CHLSN: variants seen among roughly 807,000 people sequenced by gnomAD.
CHLSN encodes the protein protein cholesin.
At chr7:1,053,392 A>C in the CHLSN span, among the ~76,000 whole-genome samples, 1 of 152,250 alleles carries the variant, frequency 6.6e-6, no homozygotes, top group African/African-American at 2.4e-5. Flanking sequence ...GCTCAGTGAC[A>C]GGGAGCTGGG....
At chr7:1,075,586 G>A in the CHLSN span, among the ~76,000 whole-genome samples, 1 of 148,050 alleles carries the variant, frequency 6.8e-6, no homozygotes, top group East Asian at 2.0e-4. Flanking sequence ...AGCTGACCAA[G>A]GCCGCACAAC....
the CHLSN span, among the ~76,000 whole-genome samples, chr7:1,103,949 C>T: frequency 2.6e-3 from 391 of 152,278 alleles, 2 homozygotes; most frequent in African/African-American, 9.1e-3. Context: ...CCCACAGCAG[C>T]GCTGGCCCCT....
the CHLSN span, among the ~76,000 whole-genome samples, chr7:1,020,546 G>A: frequency 6.6e-6 from 1 of 152,238 alleles, no homozygotes; most frequent in Non-Finnish European, 1.5e-5. Flanking sequence ...GGCTGTAGCG[G>A]GTTGGGGAAC....
At chr7:1,059,172 G>C in the CHLSN span, 3 of 168,142 alleles carry the variant, frequency 1.8e-5, no homozygotes, top group Admixed American at 6.5e-5. Flanking sequence ...GATAACATCA[G>C]CTGAGGTTTT....
At chr7:1,033,253 G>A in the CHLSN span, among the ~76,000 whole-genome samples, 5,142 of 152,244 alleles carry the variant, frequency 0.034, 178 homozygotes, top group Admixed American at 0.079. Context: ...TGGAAGGCTC[G>A]CTCACTATTT....
At chr7:1,045,427 A>T in the CHLSN span, 1 of 152,218 alleles carries the variant, frequency 6.6e-6, no homozygotes, top group Non-Finnish European at 1.5e-5. Flanking sequence ...ACAGCACGAC[A>T]TCTTTTATCT....
chr7:988,011 CCT>C, the CHLSN span, among the ~76,000 whole-genome samples: 1 of 150,396 alleles, frequency 6.6e-6, no homozygotes, highest in East Asian at 2.0e-4. Flanking sequence ...TGGGGGGTCC[CCT>C]CTGTGTGTCC....
the CHLSN span, among the ~76,000 whole-genome samples, chr7:992,698 G>A: frequency 6.6e-6 from 1 of 152,250 alleles, no homozygotes; most frequent in Non-Finnish European, 1.5e-5. Flanking sequence ...CCCTCCCCGT[G>A]ATTGCTGGGG....
the CHLSN span, among the ~76,000 whole-genome samples, chr7:992,414 T>A: frequency 6.6e-6 from 1 of 152,080 alleles, no homozygotes; most frequent in African/African-American, 2.4e-5. Flanking sequence ...GCTCGGAGGG[T>A]GAGGCCATCT....
At chr7:1,086,273 G>A in the CHLSN span, among the ~76,000 whole-genome samples, 3 of 152,194 alleles carry the variant, frequency 2.0e-5, no homozygotes, top group Non-Finnish European at 4.4e-5. Context: ...TTCAAGGTTT[G>A]AATTTTTATT....
At chr7:1,136,336 A>G in the CHLSN span, among the ~76,000 whole-genome samples, 4 of 109,640 alleles carry the variant, frequency 3.6e-5, no homozygotes, top group African/African-American at 1.2e-4. Flanking sequence ...ATATAAATAT[A>G]TAAACATATA....
chr7:1,042,457 C>T, the CHLSN span, among the ~76,000 whole-genome samples: 1 of 152,194 alleles, frequency 6.6e-6, no homozygotes, highest in African/African-American at 2.4e-5. Flanking sequence ...CTGGCCAGGA[C>T]CCTTGGATAC....
At chr7:1,010,200 C>T in the CHLSN span, 7 of 1,509,278 alleles carry the variant, frequency 4.6e-6, no homozygotes, top group East Asian at 4.6e-5. Context: ...GAGACGGGTG[C>T]GCTGCCTGGG....
the CHLSN span, among the ~76,000 whole-genome samples, chr7:1,134,078 T>G: frequency 0.03 from 4,554 of 152,124 alleles, 109 homozygotes; most frequent in Non-Finnish European, 0.046. Context: ...ATTGCAGGCG[T>G]GAGCCACCAC....
the CHLSN span, among the ~76,000 whole-genome samples, chr7:1,064,898 C>T: frequency 4.6e-5 from 7 of 152,204 alleles, no homozygotes; most frequent in South Asian, 4.1e-4. Flanking sequence ...TGGGAAACGC[C>T]GGGTCAAGCG....
the CHLSN span, among the ~76,000 whole-genome samples, chr7:1,020,022 G>A: frequency 2.0e-5 from 3 of 152,232 alleles, no homozygotes; most frequent in African/African-American, 4.8e-5. Context: ...GAAGTCCAGC[G>A]AGGCGGCAGG....
chr7:1,014,676 G>A, the CHLSN span, among the ~76,000 whole-genome samples: 1 of 152,274 alleles, frequency 6.6e-6, no homozygotes, highest in Non-Finnish European at 1.5e-5. Flanking sequence ...ACTGGCTCTG[G>A]CACCAGGTCC....
the CHLSN span, among the ~76,000 whole-genome samples, chr7:1,047,469 C>T: frequency 6.6e-6 from 1 of 152,262 alleles, no homozygotes; most frequent in Non-Finnish European, 1.5e-5. Context: ...AATCAGTGTG[C>T]GTAAGCTCTC....
At chr7:1,118,097 C>G in the CHLSN span, among the ~76,000 whole-genome samples, 1 of 152,230 alleles carries the variant, frequency 6.6e-6, no homozygotes, top group South Asian at 2.1e-4. Flanking sequence ...AACAAGAAAA[C>G]CACAGCACAA....
Sources: allele counts gnomAD v4.1 joint callset (sites outside exome capture counted in the v4.1 genomes callset), GRCh38; gene constraint gnomAD v4.1.1; transcripts MANE v1.5; gene names NCBI Gene and HGNC (gene_info 2026-07-23, HGNC 2026-07-21).